CLEC4A: variants seen among roughly 807,000 people sequenced by gnomAD.
CLEC4A encodes C-type (calcium dependent, carbohydrate-recognition domain) lectin, superfamily member 6.
In CLEC4A, 27 loss-of-function variants were observed where a neutral mutation model predicts 32.7. The observed-to-expected ratio is 0.83, with a 90% CI of 0.61 to 1.14. The LOEUF is 1.14. Among genes scored for constraint, CLEC4A ranks in the 50% most tolerant of loss-of-function variants. CLEC4A has a pLI of 0.00. For missense variants in CLEC4A, 253 were observed against 274.6 expected (o/e 0.92, Z 0.55); for synonymous variants, 89 against 93.7 (o/e 0.95, Z 0.29).
At chr12:8,115,991 C>G in the CLEC4A span, among the ~76,000 whole-genome samples, 9 of 152,050 alleles carry the variant, frequency 5.9e-5, no homozygotes, top group East Asian at 1.9e-4. Context: ...GAGACAGGGT[C>G]TCACTCTGTC....
chr12:8,120,733 C>G (rs1236978830), upstream of CLEC4A, among the ~76,000 whole-genome samples: 1 of 152,114 alleles, frequency 6.6e-6, no homozygotes, highest in Non-Finnish European at 1.5e-5. Context: ...TACTTGTGCC[C>G]CATTTTGGAG....
At chr12:8,135,436 C>T (rs1948095589) in intron 3 of CLEC4A, 149 bp from the exon 4 acceptor site, 2 of 685,964 alleles carry the variant, frequency 2.9e-6, no homozygotes, top group Admixed American at 6.0e-5. Flanking sequence ...TTCCTTGACA[C>T]CTGAGGGGCA....
chr12:8,138,245 T>C lies in CLEC4A; in HGVS notation c.672T>C (p.Gly224=), dbSNP rs760065198. The change falls in exon 6 of 6, where the codon GGT becomes GGC. Residue 224 remains glycine (G), a synonymous_variant. Coordinates refer to ENST00000229332, the MANE Select transcript of CLEC4A (RefSeq NM_016184.4). ...GCTGGAATGATGTTAATTGTCTTGG[T>C]CCTCAAAGGTCAGTTTGTGAGATGA... The part of the protein sequence containing the change: ...RWGWNDVNCL[G]PQRSVCEMMK... 1.2e-6 allele frequency: 2 copies of C among 1,614,184 alleles called. No homozygotes were observed. The highest frequency in any genetic ancestry group is 1.7e-6 in the Non-Finnish European group (2 of 1,180,036).
At chr12:8,113,495 A>G in the CLEC4A span, among the ~76,000 whole-genome samples, 1 of 152,186 alleles carries the variant, frequency 6.6e-6, no homozygotes, top group African/African-American at 2.4e-5. Flanking sequence ...TCTAGGGAGA[A>G]ATTAGCAATG....
Position 8,135,709 on chromosome 12 carries a change from GCTGGTGATAAACA to G in CLEC4A, c.426_438del (p.Val143LysfsTer60). 6.2e-7 allele frequency: 1 copy of G among 1,614,120 alleles called. No individual in the cohort carries two copies. Among genetic ancestry groups the G allele is most frequent in the Non-Finnish European group, 8.5e-7 (1 of 1,179,958 alleles). ...ACTGTGCTAGAATGGAGGCTCACCT[GCTGGTGATAAACA>G]CTCAAGAAGAGCAGGTACTTTCTAA... On this transcript the variant is annotated frameshift_variant, in exon 4 of 6. Transcript: ENST00000229332. LOFTEE classifies it high-confidence loss of function.
At chr12:8,107,230 T>C in the CLEC4A span, among the ~76,000 whole-genome samples, 1 of 152,230 alleles carries the variant, frequency 6.6e-6, no homozygotes, top group Non-Finnish European at 1.5e-5. Context: ...AAAGCCTGCT[T>C]GATAATGGTG....
chr12:8,135,806 A>G (rs1948106617), intron 4 of CLEC4A, 70 bp downstream of exon 4: 6 of 1,528,178 alleles, frequency 3.9e-6, no homozygotes, highest in Non-Finnish European at 5.3e-6. Flanking sequence ...GCTAAGAAGG[A>G]GGTTTTTGTT....
chr12:8,115,589 G>T, the CLEC4A span, among the ~76,000 whole-genome samples: 1 of 152,110 alleles, frequency 6.6e-6, no homozygotes, highest in Non-Finnish European at 1.5e-5. Context: ...TTGTAAAACG[G>T]TGAGATGTTT....
chr12:8,115,565 A>G, the CLEC4A span, among the ~76,000 whole-genome samples: 1 of 152,178 alleles, frequency 6.6e-6, no homozygotes, highest in Non-Finnish European at 1.5e-5. Context: ...AATGGAGTGA[A>G]CCAGCAGGAT....
upstream of CLEC4A, chr12:8,121,460 T>G (rs1022183649): frequency 2.6e-5 from 4 of 152,434 alleles, no homozygotes; most frequent in African/African-American, 9.7e-5. Context: ...AAGATAGGTG[T>G]CTATGGTGAG....
At position 8,136,801 on chromosome 12, in the gene CLEC4A, A is replaced by G. The variant is rs1948125725; in HGVS notation, c.464A>G (p.Gln155Arg). 6.2e-7 allele frequency: 1 copy of G among 1,611,734 alleles called. No homozygotes were observed. The change falls in exon 5 of 6, where the codon CAG becomes CGG. Residue 155 changes from glutamine to arginine, a missense_variant. Transcript: ENST00000229332. ...TTCCCCCCTCAGGATTTCATCTTCC[A>G]GAATCTGCAAGAAGAATCTGCTTAT... ...NTQEEQDFIF[Q>R]NLQEESAYFV...
At chr12:8,134,215 G>T (rs757732540) in intron 3 of CLEC4A, 330 of 1,611,422 alleles carry the variant, frequency 2.0e-4, no homozygotes, top group Middle Eastern at 1.8e-3. Flanking sequence ...GATTTTCATT[G>T]TTGTCAGCTT....
intron 5 of CLEC4A, 48 bp from the exon 6 acceptor site, chr12:8,138,092 T>C: frequency 1.3e-6 from 2 of 1,586,918 alleles, no homozygotes; most frequent in East Asian, 2.3e-5. Context: ...CTAACCCTTT[T>C]CAAAGCTCTG....
chr12:8,129,639 A>G (rs947946962), intron 3 of CLEC4A, among the ~76,000 whole-genome samples: 3 of 151,892 alleles, frequency 2.0e-5, no homozygotes, highest in African/African-American at 7.3e-5. Flanking sequence ...AAAAGCACAA[A>G]AATTAGCTAG....
chr12:8,107,753 A>G, the CLEC4A span, among the ~76,000 whole-genome samples: 1 of 146,088 alleles, frequency 6.8e-6, no homozygotes, highest in African/African-American at 2.5e-5. Flanking sequence ...TTCTGATTGT[A>G]TTTATATCGA....
At position 8,135,709 on chromosome 12, in the gene CLEC4A, G is replaced by A. The variant is rs201730459; in HGVS notation, c.423G>A (p.Leu141=). 3.1e-6 allele frequency: 5 copies of A among 1,614,120 alleles called. No homozygotes were observed. In the East Asian group the frequency reaches 1.1e-4, roughly 36 times the overall value. The change falls in exon 4 of 6, where the codon CTG becomes CTA. Residue 141 remains leucine (L), a synonymous_variant. Coordinates refer to ENST00000229332, the MANE Select transcript of CLEC4A (RefSeq NM_016184.4). The part of the protein sequence containing the change: ...EKDCARMEAH[L]LVINTQEEQD... ...ACTGTGCTAGAATGGAGGCTCACCT[G>A]CTGGTGATAAACACTCAAGAAGAGC...
At chr12:8,123,052 T>C (rs1301047064), upstream of CLEC4A, among the ~76,000 whole-genome samples, 2 of 152,196 alleles carry the variant, frequency 1.3e-5, no homozygotes, top group South Asian at 4.1e-4. Flanking sequence ...CCTTCTATAC[T>C]GTGATTCTAT....
upstream of CLEC4A, among the ~76,000 whole-genome samples, chr12:8,122,998 G>A (rs1214539144): frequency 6.6e-6 from 1 of 152,058 alleles, no homozygotes; most frequent in East Asian, 1.9e-4. Context: ...TTTCTTCTAG[G>A]CCTTTGGAAA....
At chr12:8,137,164 A>G (rs369161603) in intron 5 of CLEC4A, among the ~76,000 whole-genome samples, 5 of 152,328 alleles carry the variant, frequency 3.3e-5, no homozygotes, top group Admixed American at 1.3e-4. Context: ...GGTGTCAACA[A>G]TTGTTCTCAA....
Sources: gnomAD v4.1 joint callset for allele counts (sites outside exome capture counted in the v4.1 genomes callset) on GRCh38, gnomAD v4.1.1 for gene constraint, MANE v1.5 for transcripts, NCBI Gene and HGNC (gene_info 2026-07-23, HGNC 2026-07-21) for gene names.